Variants in PPARGC1A observed in about 807,000 individuals in gnomAD.
PPARGC1A encodes the protein PPARG coactivator 1 alpha.
In PPARGC1A, 25 loss-of-function variants were observed where a neutral mutation model predicts 88.7. That is an observed-to-expected ratio of 0.28 (90% CI 0.21 to 0.39). The LOEUF is 0.39. Among genes scored for constraint, PPARGC1A ranks in the 10% least tolerant of loss-of-function variants. The pLI, the probability that PPARGC1A is intolerant of heterozygous loss-of-function variation, is 1.00. For synonymous variants in PPARGC1A, 363 were observed against 355.6 expected, an observed-to-expected ratio of 1.02 and a Z score of -0.24; for missense variants, 880 against 968.7, an observed-to-expected ratio of 0.91 and a Z score of 1.22.
the PPARGC1A span, among the ~76,000 whole-genome samples, chr4:24,145,926 C>G: frequency 4.4e-4 from 67 of 152,270 alleles, 2 homozygotes; most frequent in East Asian, 0.012. Context: ...CTGAGTCTTA[C>G]ATTTCAATGT....
chr4:24,442,537 T>C, the PPARGC1A span, among the ~76,000 whole-genome samples: 4 of 152,226 alleles, frequency 2.6e-5, no homozygotes, highest in Non-Finnish European at 4.4e-5. Flanking sequence ...AGTTTTAATA[T>C]GTAAGAGAAT....
chr4:24,145,529 A>T, the PPARGC1A span, among the ~76,000 whole-genome samples: 1 of 152,180 alleles, frequency 6.6e-6, no homozygotes, highest in Non-Finnish European at 1.5e-5. Flanking sequence ...TAAAACTCTG[A>T]TGCCCTGAAA....
chr4:23,889,334 GT>G, intron 1 of PPARGC1A: 1 of 985,350 alleles, frequency 1.0e-6, no homozygotes, highest in Non-Finnish European at 1.2e-6. Context: ...ACGTATAGGA[GT>G]TTTAAAGGAA....
At chr4:24,201,965 G>A in the PPARGC1A span, among the ~76,000 whole-genome samples, 21,367 of 150,908 alleles carry the variant, frequency 0.14, 2,899 homozygotes, top group African/African-American at 0.36. Context: ...GCAGTGGCGC[G>A]ATCTCAGCTC....
chr4:23,913,774 T>G, the PPARGC1A span, among the ~76,000 whole-genome samples: 1 of 152,124 alleles, frequency 6.6e-6, no homozygotes, highest in Non-Finnish European at 1.5e-5. Flanking sequence ...TTCTTATTAC[T>G]TGGTATTAAC....
At chr4:24,091,806 G>A in the PPARGC1A span, among the ~76,000 whole-genome samples, 2 of 152,048 alleles carry the variant, frequency 1.3e-5, no homozygotes, top group African/African-American at 4.8e-5. Context: ...CTCCAGGGCC[G>A]GTGGACAATG....
At chr4:24,007,491 G>T in the PPARGC1A span, among the ~76,000 whole-genome samples, 1 of 152,226 alleles carries the variant, frequency 6.6e-6, no homozygotes, top group East Asian at 1.9e-4. Context: ...AAGGAGCACA[G>T]GGTAATGACC....
chr4:23,908,392 A>G (rs1277787700), upstream of PPARGC1A, among the ~76,000 whole-genome samples: 1 of 152,172 alleles, frequency 6.6e-6, no homozygotes, highest in Non-Finnish European at 1.5e-5. Context: ...ATAACTACCC[A>G]AAGTTGAAAA....
At chr4:24,310,548 T>C in the PPARGC1A span, among the ~76,000 whole-genome samples, 2 of 152,200 alleles carry the variant, frequency 1.3e-5, no homozygotes, top group African/African-American at 2.4e-5. Flanking sequence ...TCTAGTACCC[T>C]GAACTACAAC....
chr4:24,150,664 G>A, the PPARGC1A span, among the ~76,000 whole-genome samples: 9 of 152,032 alleles, frequency 5.9e-5, no homozygotes, highest in Non-Finnish European at 1.0e-4. Flanking sequence ...TAGTAATAGC[G>A]ATCTTTTCAG....
the PPARGC1A span, among the ~76,000 whole-genome samples, chr4:24,017,413 G>C: frequency 6.6e-6 from 1 of 152,070 alleles, no homozygotes; most frequent in African/African-American, 2.4e-5. Flanking sequence ...TGTTGGGAAA[G>C]CTAAGACTCC....
intron 10 of PPARGC1A, among the ~76,000 whole-genome samples, chr4:23,806,334 T>C (rs1719803701): frequency 6.6e-6 from 1 of 152,222 alleles, no homozygotes; most frequent in Non-Finnish European, 1.5e-5. Flanking sequence ...AAAGAACTGA[T>C]TCTTTTAAAC....
At chr4:23,915,594 C>A in the PPARGC1A span, among the ~76,000 whole-genome samples, 2 of 152,122 alleles carry the variant, frequency 1.3e-5, no homozygotes, top group African/African-American at 4.8e-5. Context: ...GGACAAGAGT[C>A]TTTTTTTGTT....
chr4:23,865,742 G>T (rs1168643036), intron 2 of PPARGC1A, among the ~76,000 whole-genome samples: 2 of 152,146 alleles, frequency 1.3e-5, no homozygotes, highest in African/African-American at 4.8e-5. Context: ...TGCCTCACAG[G>T]TAGCATCTGC....
At chr4:24,368,474 T>C in the PPARGC1A span, among the ~76,000 whole-genome samples, 1 of 152,128 alleles carries the variant, frequency 6.6e-6, no homozygotes, top group African/African-American at 2.4e-5. Flanking sequence ...TAGTTTTCTC[T>C]TTTCTATAGA....
the PPARGC1A span, among the ~76,000 whole-genome samples, chr4:24,205,551 TATG>T: frequency 6.6e-6 from 1 of 152,160 alleles, no homozygotes; most frequent in East Asian, 1.9e-4. Flanking sequence ...TTATAAAAAT[TATG>T]ATGTGAAATT....
chr4:23,802,464 G>A (rs561141520), intron 10 of PPARGC1A, 119 bp from the exon 11 acceptor site: 144 of 1,248,420 alleles, frequency 1.2e-4, no homozygotes, highest in Admixed American at 1.5e-4. Context: ...TGGATCATGA[G>A]GTCAGGAGTT....
At chr4:23,890,078 C>T (rs1717596114), upstream of PPARGC1A, 56 of 1,473,228 alleles carry the variant, frequency 3.8e-5, 1 homozygote, top group South Asian at 6.2e-4. Flanking sequence ...TGTCTTACTA[C>T]AGTCCCCAGT....
the PPARGC1A span, among the ~76,000 whole-genome samples, chr4:24,382,581 G>A: frequency 5.9e-5 from 9 of 152,248 alleles, no homozygotes; most frequent in South Asian, 2.1e-4. Context: ...CTGTAGGCTC[G>A]GAAGCCCTGT....
Sources: gnomAD v4.1 joint callset for allele counts (sites outside exome capture counted in the v4.1 genomes callset) on GRCh38, gnomAD v4.1.1 for gene constraint, MANE v1.5 for transcripts, NCBI Gene and HGNC (gene_info 2026-07-23, HGNC 2026-07-21) for gene names.